Variants in MAPRE2 observed in about 807,000 individuals in gnomAD.
MAPRE2 encodes the protein microtubule associated protein RP/EB family member 2, also known as microtubule-associated protein RP/EB family member 2.
In MAPRE2, 13 loss-of-function variants were observed where a neutral mutation model predicts 43.2. The ratio of observed to expected loss-of-function variants is 0.30; its 90% CI spans 0.20 to 0.48. The LOEUF is 0.48. Ranked by LOEUF, MAPRE2 falls within the 20% of genes least tolerant of loss-of-function variation. The probability of loss-of-function intolerance (pLI) is 0.99; values close to 1 mark genes in which losing one functional copy is unlikely to be tolerated. For synonymous variants in MAPRE2, 135 were observed against 148.8 expected, an observed-to-expected ratio of 0.91 and a Z score of 0.68; for missense variants, 161 against 400.2, an observed-to-expected ratio of 0.40 and a Z score of 5.10.
intron 2 of MAPRE2, among the ~76,000 whole-genome samples, chr18:35,032,269 A>G (rs1177690520): frequency 6.6e-6 from 1 of 152,196 alleles, no homozygotes; most frequent in Non-Finnish European, 1.5e-5. Flanking sequence ...GCCCCGATCT[A>G]AGGTGATGTG....
Position 35,143,373 on chromosome 18 carries a change from T to C in MAPRE2, c.*3004T>C, listed in dbSNP as rs540512796. On this transcript the variant is annotated 3_prime_UTR_variant, in exon 7 of 7. Coordinates refer to ENST00000300249, the MANE Select transcript of MAPRE2 (RefSeq NM_014268.4). The stretch of plus-strand genomic sequence containing the variant: ...TTCATTTTACATTACCCACCTATTG[T>C]CGCATGGTAGAATAGTTTTTTGTCT... 7.0e-4 allele frequency: 106 copies of C among 152,172 alleles called. No homozygotes were observed. The highest frequency in any genetic ancestry group is 2.4e-3 in the Admixed American group (37 of 15,280). 9.4% of individuals were successfully genotyped at this position (152,172 alleles called of 1,614,324 possible). A position where few individuals can be genotyped will look rare whatever the true frequency, so the allele number is the denominator to read the frequency against.
intron 2 of MAPRE2, among the ~76,000 whole-genome samples, chr18:35,006,600 G>A (rs1334812487): frequency 1.3e-5 from 2 of 152,190 alleles, no homozygotes; most frequent in East Asian, 3.8e-4. Context: ...AAGTTGTCTT[G>A]ATATTAAAAT....
chr18:34,980,029 TTC>T lies in MAPRE2; in HGVS notation c.-70+2952_-70+2953del, dbSNP rs1325831046. ...TTCTTTTCTTTTTCTTTTTCTTTTTTTCTTTTTTTTTTTTTTTTTTTTTTTGA... is the reference window on the plus strand; with the variant it reads ...TTCTTTTCTTTTTCTTTTTCTTTTTTTTTTTTTTTTTTTTTTTTTTTTTGA... On this transcript the variant is annotated intron_variant, in intron 1 of 7. Transcript: ENST00000413393. 7.4e-3 allele frequency among the ~76,000 whole-genome samples: 163 copies of T among 21,970 alleles called. 1 individual carries two copies. The highest frequency in any genetic ancestry group is 0.017 in the African/African-American group (157 of 9,138). 14.4% of individuals were successfully genotyped at this position (21,970 alleles called of 152,430 possible).
At chr18:35,110,315 C>T (rs1424220223) in intron 4 of MAPRE2, among the ~76,000 whole-genome samples, 1 of 152,064 alleles carries the variant, frequency 6.6e-6, no homozygotes, top group Non-Finnish European at 1.5e-5. Context: ...TGTAAAACAT[C>T]TAATAATTTT....
At chr18:35,132,319 G>A in intron 6 of MAPRE2, 129 bp downstream of exon 6, 1 of 762,134 alleles carries the variant, frequency 1.3e-6, no homozygotes, top group Non-Finnish European at 2.1e-6. Context: ...AAGTGCACCT[G>A]ATAGTCCCAA....
At chr18:35,079,512 T>C (rs1907532330) in intron 2 of MAPRE2, among the ~76,000 whole-genome samples, 1 of 152,188 alleles carries the variant, frequency 6.6e-6, no homozygotes, top group African/African-American at 2.4e-5. Context: ...CCCATCCAGC[T>C]CTATCCCTTC....
intron 2 of MAPRE2, among the ~76,000 whole-genome samples, chr18:35,022,831 T>C (rs1365135831): frequency 6.6e-6 from 1 of 151,740 alleles, no homozygotes; most frequent in Non-Finnish European, 1.5e-5. Flanking sequence ...CAGTAGAGAG[T>C]CAACAGGTAC....
At chr18:34,999,100 C>T (rs1385671976) in intron 1 of MAPRE2, among the ~76,000 whole-genome samples, 1 of 152,106 alleles carries the variant, frequency 6.6e-6, no homozygotes, top group Non-Finnish European at 1.5e-5. Context: ...GAAATGAAAC[C>T]TCTCTCTGTG....
At chr18:35,110,109 C>G (rs896782676) in intron 4 of MAPRE2, among the ~76,000 whole-genome samples, 1 of 152,072 alleles carries the variant, frequency 6.6e-6, no homozygotes, top group South Asian at 2.1e-4. Context: ...CCTGCAGCCA[C>G]CCCTATAGTT....
chr18:35,026,916 G>A (rs1437552337), intron 2 of MAPRE2, among the ~76,000 whole-genome samples: 4 of 152,144 alleles, frequency 2.6e-5, no homozygotes, highest in Non-Finnish European at 2.9e-5. Context: ...CTTATAGTAC[G>A]AACTTTAGTT....
rs187705015 is a variant in MAPRE2 at position 35,139,181 on chromosome 18, G to C, written c.910-1114G>C. On this transcript the variant is annotated intron_variant, in intron 6 of 6. Coordinates refer to ENST00000300249, the MANE Select transcript of MAPRE2 (RefSeq NM_014268.4). ...TTGGCTAAAGATGGGTTTGTCCTAA[G>C]CTCCAAGGAAGAGGGGCCCGACAGA... 2.6e-4 allele frequency among the ~76,000 whole-genome samples: 40 copies of C among 152,318 alleles called. 1 individual carries two copies. The East Asian group carries it at 5.2e-3, about 20-fold the overall frequency.
chr18:34,998,624 G>T (rs1409284845), intron 1 of MAPRE2, among the ~76,000 whole-genome samples: 1 of 151,692 alleles, frequency 6.6e-6, no homozygotes, highest in Non-Finnish European at 1.5e-5. Flanking sequence ...ACCGTGCCTG[G>T]CCTAATTTTT....
At chr18:35,120,347 G>A (rs1909618057) in intron 4 of MAPRE2, among the ~76,000 whole-genome samples, 1 of 152,184 alleles carries the variant, frequency 6.6e-6, no homozygotes, top group Non-Finnish European at 1.5e-5. Context: ...GGCTGCACTG[G>A]TCAGAACAGA....
At chr18:35,076,294 C>T (rs1421961157) in intron 2 of MAPRE2, among the ~76,000 whole-genome samples, 2 of 152,134 alleles carry the variant, frequency 1.3e-5, no homozygotes, top group Admixed American at 6.5e-5. Flanking sequence ...GAGTACTGTC[C>T]TACAAAAGAC....
At chr18:34,981,058 G>A (rs571680155) in intron 1 of MAPRE2, among the ~76,000 whole-genome samples, 79 of 151,960 alleles carry the variant, frequency 5.2e-4, no homozygotes, top group Non-Finnish European at 9.1e-4. Context: ...AACTGGGGAG[G>A]CACTTCTGAA....
chr18:35,027,331 T>G (rs2150590454), intron 2 of MAPRE2, among the ~76,000 whole-genome samples: 1 of 152,286 alleles, frequency 6.6e-6, no homozygotes, highest in East Asian at 1.9e-4. Context: ...GACTAGGTTT[T>G]AAAACTGCCA....
At chr18:35,136,530 G>A (rs940320695) in intron 6 of MAPRE2, among the ~76,000 whole-genome samples, 3 of 152,208 alleles carry the variant, frequency 2.0e-5, no homozygotes, top group African/African-American at 7.2e-5. Context: ...GGAGGACCAC[G>A]CAGAGACTTC....
At chr18:35,111,888 T>A (rs1909189580) in intron 4 of MAPRE2, among the ~76,000 whole-genome samples, 1 of 152,214 alleles carries the variant, frequency 6.6e-6, no homozygotes, top group South Asian at 2.1e-4. Context: ...TTCTTGTCCC[T>A]TGATGGTCTT....
rs150870072 is a variant in MAPRE2, at chr18:35,138,747, G to T, written c.910-1548G>T. ...GGATACCTTATCCCCAACTTTACAG[G>T]TGAGGAAACTGGGGCCCAGAGCAGT... On this transcript the variant is annotated intron_variant, in intron 6 of 6. Transcript: ENST00000300249. Among the ~76,000 whole-genome samples the T allele has an allele frequency of 5.4e-3, 821 of 152,142 alleles. 5 individuals are homozygous for T. The highest frequency in any genetic ancestry group is 0.015 in the African/African-American group (641 of 41,508).
Sources: gnomAD v4.1 joint callset for allele counts (sites outside exome capture counted in the v4.1 genomes callset) on GRCh38, gnomAD v4.1.1 for gene constraint, MANE v1.5 for transcripts, NCBI Gene and HGNC (gene_info 2026-07-23, HGNC 2026-07-21) for gene names.